STAG2: variants seen among roughly 807,000 people sequenced by gnomAD.
The protein encoded by STAG2 is cohesin subunit SA-2.
A neutral mutation model predicts 108.1 loss-of-function variants in STAG2; 14 were observed. The observed-to-expected ratio is 0.13, with a 90% CI of 0.09 to 0.20. The LOEUF (loss-of-function observed/expected upper bound fraction) is 0.20, where lower values mean the gene tolerates loss of function less well. Ranked by LOEUF, STAG2 falls within the 10% of genes least tolerant of loss-of-function variation. STAG2 has a pLI of 1.00. For synonymous variants in STAG2, 307 were observed against 302.7 expected, an observed-to-expected ratio of 1.01 and a Z score of -0.15; for missense variants, 440 against 940.9, an observed-to-expected ratio of 0.47 and a Z score of 6.96.
intron 3 of STAG2, 34 bp downstream of exon 3, chrX:124,022,705 C>G: frequency 2.0e-6 from 2 of 986,219 alleles, no homozygotes; most frequent in African/African-American, 1.9e-5. Flanking sequence ...TTTTTAAATA[C>G]TTGTTTATTC....
chrX:123,961,705 CCT>C lies in STAG2; in HGVS notation c.-309_-308del, dbSNP rs1349329721. The C allele has an allele frequency of 9.6e-6, 1 of 104,595 alleles. No individual in the cohort carries two copies. Among genetic ancestry groups the C allele is most frequent in the Non-Finnish European group, 2.0e-5 (1 of 50,305 alleles). The allele number at this position is 104,595 out of a possible 1,213,427, so 8.6% of individuals were successfully genotyped here. ...CCCTTCCCTCCCTCCCCCCTCCCTC[CCT>C]CTCTTCCTCCCTTCCTAGAGAGGGA... On this transcript the variant is annotated 5_prime_UTR_variant, in exon 1 of 35. Transcript: ENST00000371145.
intron 1 of STAG2, among the ~76,000 whole-genome samples, chrX:123,989,599 T>C (rs1035167614): frequency 2.8e-5 from 3 of 108,856 alleles, no homozygotes; most frequent in East Asian, 2.8e-4. Flanking sequence ...TATTTTCTTT[T>C]TTTCTTTCTT....
At chrX:124,050,531 T>A (rs933534762) in intron 11 of STAG2, among the ~76,000 whole-genome samples, 2 of 111,588 alleles carry the variant, frequency 1.8e-5, no homozygotes, top group African/African-American at 3.3e-5. Context: ...TGGTGAATCA[T>A]TTTTTTGCTG....
intron 15 of STAG2, among the ~76,000 whole-genome samples, chrX:124,059,879 C>T (rs1029443711): frequency 1.4e-4 from 16 of 110,592 alleles, no homozygotes; most frequent in African/African-American, 4.9e-4. Flanking sequence ...CCAGGCTAGT[C>T]TTCAACTCTT....
At chrX:124,004,888 A>T (rs1362866681) in intron 1 of STAG2, among the ~76,000 whole-genome samples, 1 of 111,647 alleles carries the variant, frequency 9.0e-6, no homozygotes, top group Non-Finnish European at 1.9e-5. Context: ...TCATAATTAC[A>T]GCACAATGTC....
intron 20 of STAG2, among the ~76,000 whole-genome samples, chrX:124,064,886 A>G (rs1198891686): frequency 9.0e-6 from 1 of 111,145 alleles, no homozygotes; most frequent in African/African-American, 3.3e-5. Flanking sequence ...TGTGATTGTT[A>G]TTTTTTCCAG....
At chrX:123,978,748 G>A (rs1042390329) in intron 1 of STAG2, among the ~76,000 whole-genome samples, 2 of 111,913 alleles carry the variant, frequency 1.8e-5, no homozygotes, top group African/African-American at 3.2e-5. Context: ...AATGTTCATT[G>A]GAACATTTTG....
intron 1 of STAG2, among the ~76,000 whole-genome samples, chrX:124,007,555 A>G (rs920308462): frequency 1.4e-4 from 16 of 111,912 alleles, no homozygotes; most frequent in African/African-American, 4.9e-4. Flanking sequence ...TCCTTATTCA[A>G]AAGTTAAAAT....
At chrX:124,052,836 A>T (rs1226214768) in intron 13 of STAG2, among the ~76,000 whole-genome samples, 1 of 99,396 alleles carries the variant, frequency 1.0e-5, no homozygotes, top group Non-Finnish European at 2.0e-5. Flanking sequence ...TTTTTTCCTG[A>T]GATGGAGTCT....
intron 6 of STAG2, 110 bp from the exon 7 acceptor site, chrX:124,042,459 A>T: frequency 2.0e-6 from 1 of 489,242 alleles, no homozygotes; most frequent in East Asian, 3.6e-5. Flanking sequence ...TTGAAGAAGT[A>T]TGCCTTTTAT....
intron 1 of STAG2, among the ~76,000 whole-genome samples, chrX:124,000,332 T>C (rs902844443): frequency 9.0e-6 from 1 of 111,552 alleles, no homozygotes; most frequent in African/African-American, 3.3e-5. Context: ...GTTACTTGTT[T>C]ACATATTTAC....
At chrX:123,979,601 T>C (rs189825533) in intron 1 of STAG2, among the ~76,000 whole-genome samples, 1 of 111,393 alleles carries the variant, frequency 9.0e-6, no homozygotes, top group East Asian at 2.8e-4. Flanking sequence ...TGGGAGGCAG[T>C]TGAGTCTCCT....
chrX:124,011,904 AT>A (rs1388856517), intron 1 of STAG2, among the ~76,000 whole-genome samples: 1 of 111,981 alleles, frequency 8.9e-6, no homozygotes, highest in Admixed American at 9.5e-5. Flanking sequence ...GTACTGCCAC[AT>A]TGGGGATTAA....
intron 1 of STAG2, among the ~76,000 whole-genome samples, chrX:124,004,477 A>T (rs2056196370): frequency 8.9e-6 from 1 of 112,006 alleles, no homozygotes; most frequent in South Asian, 3.6e-4. Context: ...TGACTGGCTT[A>T]TTTCACTTAG....
chrX:123,986,991 A>AT (rs767415512), intron 1 of STAG2, among the ~76,000 whole-genome samples: 9 of 106,407 alleles, frequency 8.5e-5, no homozygotes, highest in Non-Finnish European at 1.2e-4. Flanking sequence ...TTAAAAAAAA[A>AT]TTTTTTTTTT....
intron 1 of STAG2, among the ~76,000 whole-genome samples, chrX:124,006,590 C>T (rs1373125423): frequency 9.1e-6 from 1 of 109,796 alleles, no homozygotes; most frequent in African/African-American, 3.3e-5. Flanking sequence ...AGGTGCCCAC[C>T]ACCACGCCCG....
chrX:124,042,786 C>T lies in STAG2; in HGVS notation c.462+141C>T, dbSNP rs372254761. The T allele has an allele frequency of 1.6e-3, 696 of 444,651 alleles. 5 individuals are homozygous for T. In the South Asian group the frequency reaches 0.025, roughly 16 times the overall value. 36.6% of individuals were successfully genotyped at this position (444,651 alleles called of 1,213,427 possible). A position where few individuals can be genotyped will look rare whatever the true frequency, so the allele number is the denominator to read the frequency against. Reference sequence around the variant, plus strand: ...CCACACTTTCAGAGGCCGAGGCAGGCGGATCACCTGAGGTCAGGAGTTCGA... The same window carrying T: ...CCACACTTTCAGAGGCCGAGGCAGGTGGATCACCTGAGGTCAGGAGTTCGA... On this transcript the variant is annotated intron_variant, in intron 7 of 34. Coordinates refer to ENST00000371145, the MANE Select transcript of STAG2 (RefSeq NM_001042750.2).
intron 15 of STAG2, among the ~76,000 whole-genome samples, chrX:124,058,447 G>A (rs771894160): frequency 1.9e-4 from 21 of 112,053 alleles, no homozygotes; most frequent in Non-Finnish European, 3.8e-4. Flanking sequence ...CACTGCGCCC[G>A]GTCACTTTCT....
chrX:124,047,260 G>A, intron 8 of STAG2, 94 bp from the exon 9 acceptor site: 1 of 724,294 alleles, frequency 1.4e-6, no homozygotes, highest in Non-Finnish European at 2.0e-6. Context: ...AAGCAGATTA[G>A]CTCATTTCTG....
Sources: allele counts gnomAD v4.1 joint callset (sites outside exome capture counted in the v4.1 genomes callset), GRCh38; gene constraint gnomAD v4.1.1; transcripts MANE v1.5; gene names NCBI Gene and HGNC (gene_info 2026-07-23, HGNC 2026-07-21).